Variants in CFAP54 observed in about 807,000 individuals in gnomAD.
The protein encoded by CFAP54 is cilia and flagella associated protein 54.
In CFAP54, 290 loss-of-function variants were observed where a neutral mutation model predicts 370.4. That is an observed-to-expected ratio of 0.78 (90% CI 0.71 to 0.86). The LOEUF (loss-of-function observed/expected upper bound fraction) is 0.86, where lower values mean the gene tolerates loss of function less well. Among genes scored for constraint, CFAP54 ranks in the 40% least tolerant of loss-of-function variants. The pLI is 0.00. For synonymous variants in CFAP54, 1,206 were observed against 1,236.5 expected (o/e 0.98, Z 0.52); for missense variants, 3,399 against 3,528.7 (o/e 0.96, Z 0.93).
chr12:96,719,430 C>G (rs1957723528), intron 49 of CFAP54, among the ~76,000 whole-genome samples: 1 of 152,156 alleles, frequency 6.6e-6, no homozygotes. Flanking sequence ...GTCCCTTTAT[C>G]TTCTGCCATG....
intron 23 of CFAP54, among the ~76,000 whole-genome samples, chr12:96,592,131 TGAAA>T (rs1280960388): frequency 3.9e-5 from 6 of 152,064 alleles, no homozygotes; most frequent in Non-Finnish European, 4.4e-5. Context: ...TTAGCGTGAA[TGAAA>T]GAAAGAATGA....
At chr12:96,816,290 G>A (rs1157613939) in intron 64 of CFAP54, among the ~76,000 whole-genome samples, 1 of 152,124 alleles carries the variant, frequency 6.6e-6, no homozygotes, top group East Asian at 1.9e-4. Context: ...TCCCTTGAAA[G>A]TTGTGTTCCT....
At position 96,678,939 on chromosome 12, in the gene CFAP54, C is replaced by T. The variant is rs542932944; in HGVS notation, c.5564-661C>T. On this transcript the variant is annotated intron_variant, in intron 39 of 67. Coordinates refer to ENST00000524981, the MANE Select transcript of CFAP54 (RefSeq NM_001306084.2). ...TTGAAGAAATACATTCTTTTGTTTT[C>T]AGTCCTGCAAACTGTGATTCCTCTC... 4.6e-5 allele frequency among the ~76,000 whole-genome samples: 7 copies of T among 152,266 alleles called. No individual in the cohort carries two copies. In the South Asian group the frequency reaches 1.5e-3, roughly 32 times the overall value.
At chr12:96,566,914 G>A (rs1196820657) in intron 19 of CFAP54, among the ~76,000 whole-genome samples, 1 of 152,034 alleles carries the variant, frequency 6.6e-6, no homozygotes, top group African/African-American at 2.4e-5. Flanking sequence ...TGCCTTTGTG[G>A]TCCCTGGATT....
intron 44 of CFAP54, among the ~76,000 whole-genome samples, chr12:96,692,603 A>G (rs1458892951): frequency 6.6e-6 from 1 of 152,212 alleles, no homozygotes; most frequent in Non-Finnish European, 1.5e-5. Flanking sequence ...TAGTTATAGA[A>G]AAATGTATTG....
At chr12:96,494,672 T>G (rs912463535) in intron 1 of CFAP54, among the ~76,000 whole-genome samples, 2 of 152,098 alleles carry the variant, frequency 1.3e-5, no homozygotes, top group African/African-American at 4.8e-5. Flanking sequence ...TAGAGACCAG[T>G]TAGGAGTACA....
chr12:96,495,909 G>T (rs941539542), intron 1 of CFAP54, among the ~76,000 whole-genome samples: 2 of 152,178 alleles, frequency 1.3e-5, no homozygotes, highest in Middle Eastern at 3.4e-3. Flanking sequence ...AGGTTTAGAA[G>T]AATTAATTAT....
chr12:96,650,506 C>G (rs1956846675), intron 35 of CFAP54, among the ~76,000 whole-genome samples: 1 of 152,108 alleles, frequency 6.6e-6, no homozygotes, highest in South Asian at 2.1e-4. Flanking sequence ...CTAAGAGAAC[C>G]CTGCCCTTGC....
intron 8 of CFAP54, among the ~76,000 whole-genome samples, chr12:96,523,154 T>G (rs932745251): frequency 6.6e-6 from 1 of 152,136 alleles, no homozygotes; most frequent in Non-Finnish European, 1.5e-5. Flanking sequence ...AAAATGAATC[T>G]GGGGGGAAGG....
chr12:96,534,501 G>A (rs893666545), intron 11 of CFAP54, among the ~76,000 whole-genome samples: 3 of 152,112 alleles, frequency 2.0e-5, no homozygotes, highest in Non-Finnish European at 2.9e-5. Context: ...TTTGAGTAGG[G>A]GAATGAGGTT....
At position 96,723,948 on chromosome 12, in the gene CFAP54, A is replaced by G. The variant is rs1957794730; in HGVS notation, c.6965+3383A>G. Among the ~76,000 whole-genome samples, 4 of 150,192 alleles carry G rather than the reference A, an allele frequency of 2.7e-5. No individual in the cohort carries two copies. The South Asian group carries it at 8.4e-4, about 32-fold the overall frequency. ...GCGGTGTTTGGTTTTTTGTCCTTGCAATAGTTTACTGAGAATGATGACTTC... is the reference window on the plus strand; with the variant it reads ...GCGGTGTTTGGTTTTTTGTCCTTGCGATAGTTTACTGAGAATGATGACTTC... On this transcript the variant is annotated intron_variant, in intron 50 of 67. Transcript: ENST00000524981.
At chr12:96,685,264 CGT>C in intron 42 of CFAP54, 26 bp downstream of exon 42, 7 of 1,606,368 alleles carry the variant, frequency 4.4e-6, no homozygotes, top group Non-Finnish European at 6.0e-6. Context: ...GAAGGATCCC[CGT>C]ACTAGCTAAC....
At chr12:96,507,714 A>G (rs1210691252) in intron 4 of CFAP54, among the ~76,000 whole-genome samples, 1 of 152,190 alleles carries the variant, frequency 6.6e-6, no homozygotes, top group Non-Finnish European at 1.5e-5. Flanking sequence ...AGTGTGTTCG[A>G]TGTGCATAAG....
intron 13 of CFAP54, 142 bp downstream of exon 13, chr12:96,538,660 T>C: frequency 1.3e-6 from 1 of 790,710 alleles, no homozygotes; most frequent in Admixed American, 2.9e-5. Flanking sequence ...AAAGAAGATA[T>C]TCTTTCTAGC....
chr12:96,657,383 C>T (rs78440673), intron 36 of CFAP54, among the ~76,000 whole-genome samples: 6 of 152,212 alleles, frequency 3.9e-5, no homozygotes, highest in South Asian at 2.1e-4. Context: ...ATGTAACCAA[C>T]GTATTAGGGA....
intron 19 of CFAP54, 41 bp from the exon 20 acceptor site, chr12:96,576,544 G>T: frequency 2.2e-6 from 3 of 1,364,202 alleles, no homozygotes; most frequent in Non-Finnish European, 2.0e-6. Context: ...TAGAGTTCAA[G>T]CTCTTGACAT....
chr12:96,579,271 T>A (rs181047257), intron 20 of CFAP54, among the ~76,000 whole-genome samples: 1 of 152,236 alleles, frequency 6.6e-6, no homozygotes, highest in Admixed American at 6.5e-5. Flanking sequence ...CTAGTGCTTT[T>A]TAATCAGTTG....
intron 30 of CFAP54, among the ~76,000 whole-genome samples, chr12:96,629,116 G>A (rs995543870): frequency 5.9e-5 from 9 of 152,008 alleles, no homozygotes; most frequent in Admixed American, 1.3e-4. Flanking sequence ...CTTGTCTAGG[G>A]TTACTTTTAC....
At chr12:96,729,619 T>C (rs1957891780) in intron 50 of CFAP54, among the ~76,000 whole-genome samples, 2 of 152,318 alleles carry the variant, frequency 1.3e-5, no homozygotes, top group Admixed American at 1.3e-4. Flanking sequence ...GAAAGGGAAC[T>C]CCCTGACCCC....
Sources: allele counts gnomAD v4.1 joint callset (sites outside exome capture counted in the v4.1 genomes callset), GRCh38; gene constraint gnomAD v4.1.1; transcripts MANE v1.5; gene names NCBI Gene and HGNC (gene_info 2026-07-23, HGNC 2026-07-21).